EYS: variants seen among roughly 807,000 people sequenced by gnomAD.
The protein encoded by EYS is protein eyes shut homolog.
Under a neutral mutation model 282.1 loss-of-function variants are expected in EYS, and 250 were observed. That is an observed-to-expected ratio of 0.89 (90% CI 0.80 to 0.98). The LOEUF (loss-of-function observed/expected upper bound fraction) is 0.98, where lower values mean the gene tolerates loss of function less well. EYS is among the 50% of genes least tolerant of loss of function. The pLI, the probability that EYS is intolerant of heterozygous loss-of-function variation, is 0.00. For synonymous variants in EYS, 1,355 were observed against 1,282.9 expected, an observed-to-expected ratio of 1.06 and a Z score of -1.20; for missense variants, 4,016 against 3,709.0, an observed-to-expected ratio of 1.08 and a Z score of -2.15.
chr6:64,331,738 G>T (rs1186765337), intron 29 of EYS, among the ~76,000 whole-genome samples: 1 of 152,182 alleles, frequency 6.6e-6, no homozygotes, highest in Non-Finnish European at 1.5e-5. Context: ...TTTAACTTGT[G>T]CCCAAAACAA....
intron 40 of EYS, among the ~76,000 whole-genome samples, chr6:63,772,398 A>G (rs1375254582): frequency 6.6e-6 from 1 of 152,134 alleles, no homozygotes; most frequent in East Asian, 1.9e-4. Flanking sequence ...TGAAAATTCT[A>G]GTTCCTAATG....
intron 30 of EYS, among the ~76,000 whole-genome samples, chr6:64,270,841 C>T (rs981746857): frequency 6.6e-6 from 1 of 152,070 alleles, no homozygotes; most frequent in Non-Finnish European, 1.5e-5. Context: ...TCCTTTATAT[C>T]TTTTGTTTTG....
At chr6:65,061,798 C>T (rs1262660593) in intron 12 of EYS, among the ~76,000 whole-genome samples, 1 of 151,814 alleles carries the variant, frequency 6.6e-6, no homozygotes, top group East Asian at 1.9e-4. Flanking sequence ...TCGTTTTCTC[C>T]TCATAGGAAC....
chr6:64,033,779 T>C (rs188803632), intron 33 of EYS, among the ~76,000 whole-genome samples: 2 of 152,192 alleles, frequency 1.3e-5, no homozygotes, highest in Admixed American at 1.3e-4. Flanking sequence ...TAATGTTGTG[T>C]ATACATACAT....
At chr6:65,520,752 T>C (rs1767334812) in intron 2 of EYS, among the ~76,000 whole-genome samples, 1 of 152,092 alleles carries the variant, frequency 6.6e-6, no homozygotes, top group Admixed American at 6.6e-5. Flanking sequence ...CTATCCTATT[T>C]ACAGGGTCTC....
chr6:64,301,030 C>G (rs1474565409), intron 30 of EYS, among the ~76,000 whole-genome samples: 1 of 152,176 alleles, frequency 6.6e-6, no homozygotes, highest in East Asian at 1.9e-4. Context: ...AGAGCCAGTA[C>G]TTTCAAAGTT....
intron 12 of EYS, among the ~76,000 whole-genome samples, chr6:65,085,978 T>C (rs1277418511): frequency 6.6e-6 from 1 of 151,838 alleles, no homozygotes; most frequent in Non-Finnish European, 1.5e-5. Context: ...TATAAAAACA[T>C]TTTTTTGTCT....
At chr6:63,937,449 C>T (rs1017974044) in intron 35 of EYS, among the ~76,000 whole-genome samples, 14 of 133,234 alleles carry the variant, frequency 1.1e-4, no homozygotes, top group South Asian at 2.6e-4. Flanking sequence ...GGCTCGATCT[C>T]GGCTCACTAC....
At chr6:64,608,609 A>G (rs1207503009) in intron 24 of EYS, among the ~76,000 whole-genome samples, 1 of 152,154 alleles carries the variant, frequency 6.6e-6, no homozygotes, top group Non-Finnish European at 1.5e-5. Flanking sequence ...AAACTCCACA[A>G]GAATATTGAT....
intron 15 of EYS, among the ~76,000 whole-genome samples, chr6:64,937,780 G>A (rs1464404019): frequency 6.6e-6 from 1 of 151,538 alleles, no homozygotes; most frequent in Non-Finnish European, 1.5e-5. Flanking sequence ...TTCTACTCTA[G>A]TTTTATATGA....
intron 29 of EYS, among the ~76,000 whole-genome samples, chr6:64,314,354 A>G (rs928021139): frequency 7.9e-5 from 12 of 152,110 alleles, no homozygotes; most frequent in Non-Finnish European, 2.9e-5. Flanking sequence ...TATATATGCA[A>G]CCAATACAGG....
At chr6:65,661,644 T>C (rs1768004579) in intron 1 of EYS, among the ~76,000 whole-genome samples, 1 of 152,026 alleles carries the variant, frequency 6.6e-6, no homozygotes, top group Non-Finnish European at 1.5e-5. Context: ...GACATATTGC[T>C]ATGTGAACAG....
intron 35 of EYS, among the ~76,000 whole-genome samples, chr6:63,983,797 T>G (rs1238995169): frequency 6.6e-6 from 1 of 151,690 alleles, no homozygotes; most frequent in African/African-American, 2.4e-5. Context: ...TCCCTCAGGG[T>G]TGATTCAGTT....
At chr6:64,781,985 T>C (rs1773876855) in intron 22 of EYS, among the ~76,000 whole-genome samples, 1 of 152,214 alleles carries the variant, frequency 6.6e-6, no homozygotes, top group African/African-American at 2.4e-5. Flanking sequence ...TAGTCATCTG[T>C]TTCCTGGCTA....
intron 35 of EYS, among the ~76,000 whole-genome samples, chr6:63,965,049 A>C (rs777389213): frequency 2.0e-5 from 3 of 152,222 alleles, no homozygotes; most frequent in African/African-American, 7.2e-5. Context: ...CTCTTAAAAA[A>C]TTTAACACAG....
At chr6:65,505,972 G>T (rs1454414317) in intron 2 of EYS, among the ~76,000 whole-genome samples, 1 of 151,992 alleles carries the variant, frequency 6.6e-6, no homozygotes, top group Non-Finnish European at 1.5e-5. Context: ...TTACAAATAG[G>T]GGTATTTAAT....
intron 41 of EYS, among the ~76,000 whole-genome samples, chr6:63,730,555 A>G (rs917219890): frequency 5.3e-5 from 8 of 152,190 alleles, no homozygotes; most frequent in Non-Finnish European, 1.0e-4. Flanking sequence ...TTCCCTGGAG[A>G]TGTTCAATGA....
At chr6:65,216,669 G>A (rs961145060) in intron 12 of EYS, among the ~76,000 whole-genome samples, 1 of 151,360 alleles carries the variant, frequency 6.6e-6, no homozygotes, top group Non-Finnish European at 1.5e-5. Context: ...AGTATAAATA[G>A]AATATAAAAA....
chr6:64,327,456 G>A (rs1466362077), intron 29 of EYS, among the ~76,000 whole-genome samples: 1 of 152,176 alleles, frequency 6.6e-6, no homozygotes, highest in Non-Finnish European at 1.5e-5. Flanking sequence ...CCCTTTGTGA[G>A]ATAGACCGGC....
Sources: allele counts gnomAD v4.1 joint callset (sites outside exome capture counted in the v4.1 genomes callset), GRCh38; gene constraint gnomAD v4.1.1; transcripts MANE v1.5; gene names NCBI Gene and HGNC (gene_info 2026-07-23, HGNC 2026-07-21).